Variants in NHSL1 observed in about 807,000 individuals in gnomAD.
The protein encoded by NHSL1 is NHS-like protein 1.
A neutral mutation model predicts 95.0 loss-of-function variants in NHSL1; 48 were observed. The observed-to-expected ratio is 0.51, with a 90% confidence interval of 0.40 to 0.64. The LOEUF (loss-of-function observed/expected upper bound fraction) is 0.64. NHSL1 is among the 30% of genes least tolerant of loss of function. The pLI is 0.00. For missense variants in NHSL1, 1,971 were observed against 2,077.7 expected (o/e 0.95, Z 1.00); for synonymous variants, 783 against 833.9 (o/e 0.94, Z 1.05).
intron 2 of NHSL1, among the ~76,000 whole-genome samples, chr6:138,476,489 G>T (rs1197807939): frequency 6.6e-6 from 1 of 152,066 alleles, no homozygotes; most frequent in Non-Finnish European, 1.5e-5. Flanking sequence ...AGACACTGGG[G>T]ACTCCAAAGG....
rs1776208330 is a variant in NHSL1, at chr6:138,437,361, T to TATATACAC, written c.665-3682_665-3681insGTGTATAT. 3.1e-4 allele frequency among the ~76,000 whole-genome samples: 17 copies of TATATACAC among 54,072 alleles called. 3 individuals carry two copies. Among genetic ancestry groups the TATATACAC allele is most frequent in the East Asian group, 6.2e-4 (1 of 1,616 alleles). The allele number at this position is 54,072 out of a possible 152,430, so 35.5% of individuals were successfully genotyped here. Reference sequence around the variant, plus strand: ...ATATATACACATATATATATACACATATATATATATACACATATATATATA... The same window carrying TATATACAC: ...ATATATACACATATATATATACACATATATACACATATATATATACACATATATATATA... On this transcript the variant is annotated intron_variant, in intron 5 of 7. Transcript: ENST00000343505.
chr6:138,445,009 G>A (rs1017822058), intron 4 of NHSL1, among the ~76,000 whole-genome samples: 2 of 152,088 alleles, frequency 1.3e-5, no homozygotes, highest in African/African-American at 4.8e-5. Context: ...TTCCTGAGTA[G>A]CATTTTAAAG....
At chr6:138,685,527 G>A (rs1005557806) in intron 1 of NHSL1, among the ~76,000 whole-genome samples, 2 of 151,880 alleles carry the variant, frequency 1.3e-5, no homozygotes, top group African/African-American at 2.4e-5. Flanking sequence ...GACGATCCAC[G>A]CACTCTATGT....
chr6:138,609,575 C>T (rs1258390657), intron 1 of NHSL1, among the ~76,000 whole-genome samples: 3 of 151,898 alleles, frequency 2.0e-5, no homozygotes, highest in South Asian at 2.1e-4. Context: ...GTGGTGAAAC[C>T]CCATCTCTAC....
intron 3 of NHSL1, among the ~76,000 whole-genome samples, chr6:138,462,948 GA>G (rs1164362204): frequency 6.6e-6 from 1 of 151,382 alleles, no homozygotes; most frequent in Non-Finnish European, 1.5e-5. Flanking sequence ...GTGTGTAGAT[GA>G]AGAGGGCAGG....
intron 1 of NHSL1, among the ~76,000 whole-genome samples, chr6:138,674,865 A>G (rs1357802601): frequency 6.6e-6 from 1 of 152,058 alleles, no homozygotes. Context: ...AAGACTGATA[A>G]AACTTCTGGC....
chr6:138,494,702 A>G (rs1158238080), intron 2 of NHSL1, among the ~76,000 whole-genome samples: 1 of 152,218 alleles, frequency 6.6e-6, no homozygotes, highest in East Asian at 1.9e-4. Context: ...TAGATAAAAT[A>G]CAGGAGCCCC....
intron 1 of NHSL1, among the ~76,000 whole-genome samples, chr6:138,537,265 ACT>A (rs1782393342): frequency 6.6e-6 from 1 of 152,162 alleles, no homozygotes; most frequent in Non-Finnish European, 1.5e-5. Context: ...GTATCAGGAT[ACT>A]CTCACTGGCT....
intron 1 of NHSL1, among the ~76,000 whole-genome samples, chr6:138,620,524 AG>A (rs1276453227): frequency 6.6e-6 from 1 of 152,236 alleles, no homozygotes; most frequent in African/African-American, 2.4e-5. Flanking sequence ...TATCATTTCT[AG>A]AAAATAGGTC....
intron 1 of NHSL1, among the ~76,000 whole-genome samples, chr6:138,687,933 C>T (rs1197090194): frequency 2.6e-5 from 4 of 152,058 alleles, no homozygotes; most frequent in Non-Finnish European, 5.9e-5. Flanking sequence ...TGTGAATACA[C>T]TAAAAACCCC....
chr6:138,543,014 G>A (rs780515129), intron 1 of NHSL1, among the ~76,000 whole-genome samples: 53 of 152,216 alleles, frequency 3.5e-4, no homozygotes, highest in African/African-American at 1.2e-3. Flanking sequence ...TCCTCTCTCC[G>A]CGGCCTTCTA....
In NHSL1 at chr6:138,639,580, T is replaced by C. The variant is rs532797491; in HGVS notation, c.96+52896A>G. Among the ~76,000 whole-genome samples the C allele has an allele frequency of 1.3e-3, 196 of 150,800 alleles. 1 individual carries two copies. Among genetic ancestry groups the C allele is most frequent in the Middle Eastern group, 6.8e-3 (2 of 294 alleles). ...TGGCATGAACCTGGGAGGCAGAGCT[T>C]GCAGTAAGCCGAGATCGGGCCACTG... is the stretch of plus-strand genomic sequence containing the variant. On this transcript the variant is annotated intron_variant, in intron 1 of 3. Transcript: ENST00000491526.
intron 1 of NHSL1, among the ~76,000 whole-genome samples, chr6:138,512,651 CA>C (rs1781286433): frequency 6.6e-6 from 1 of 151,900 alleles, no homozygotes; most frequent in African/African-American, 2.4e-5. Flanking sequence ...TAGATGTGTT[CA>C]ATGGCAACGT....
intron 1 of NHSL1, among the ~76,000 whole-genome samples, chr6:138,640,960 A>G (rs1276666278): frequency 6.6e-6 from 1 of 152,234 alleles, no homozygotes; most frequent in Non-Finnish European, 1.5e-5. Context: ...CTGAAAAATA[A>G]TGTTTCCAAA....
intron 1 of NHSL1, among the ~76,000 whole-genome samples, chr6:138,585,133 G>A (rs1363459455): frequency 1.3e-5 from 2 of 152,240 alleles, no homozygotes; most frequent in South Asian, 2.1e-4. Context: ...AGCAGGAGCA[G>A]TCCTTGAAAT....
intron 3 of NHSL1, among the ~76,000 whole-genome samples, chr6:138,458,064 G>A (rs994741754): frequency 6.7e-4 from 101 of 151,614 alleles, no homozygotes; most frequent in African/African-American, 2.2e-3. Flanking sequence ...CATGAACCAC[G>A]GTTAGGAGTC....
In NHSL1 at chr6:138,432,284, C is replaced by T; in HGVS notation, c.2061G>A (p.Lys687=). 1 of 1,551,296 alleles carries T rather than the reference C, an allele frequency of 6.4e-7. No homozygotes were observed. The highest frequency in any genetic ancestry group is 8.7e-7 in the Non-Finnish European group (1 of 1,146,882). Residue 687 remains lysine (K), a synonymous_variant, in exon 6 of 8, where the codon AAG becomes AAA. Transcript: ENST00000343505. This position sits in a 1 kb window ranked among gnomAD's most constrained non-coding sequence, Gnocchi z 4.4. The part of the protein sequence containing the change: ...RTDSLRRIPK[K]SSQCNGQVLN... The stretch of plus-strand genomic sequence containing the variant: ...GCACCTGCCCGTTGCACTGGCTGCT[C>T]TTCTTGGGAATCCTGCGGAGGGAGT...
chr6:138,496,370 C>T lies in NHSL1; in HGVS notation c.60G>A (p.Thr20=), dbSNP rs144525184. ...KSLIKLFKKK[T]VSNLDEESRW... ...GGCTTTCCTCATCTAGGTTGGAAAC[C>T]GCTATAGAAAAAAAGATAGAATACA... Residue 20 remains threonine, a splice_region_variant and synonymous_variant, in exon 2 of 8, where the codon ACG becomes ACA. Coordinates refer to ENST00000343505, the MANE Select transcript of NHSL1 (RefSeq NM_001144060.2). 7.2e-5 allele frequency: 111 copies of T among 1,549,718 alleles called. No individual in the cohort carries two copies. Among genetic ancestry groups the T allele is most frequent in the Middle Eastern group, 2.1e-4 (1 of 4,846 alleles).
intron 1 of NHSL1, among the ~76,000 whole-genome samples, chr6:138,523,563 C>T (rs1781769992): frequency 1.4e-5 from 2 of 144,172 alleles, no homozygotes; most frequent in Non-Finnish European, 3.0e-5. Context: ...CCCGCTTTGG[C>T]GTCCCAAAGT....
Sources: allele counts gnomAD v4.1 joint callset (sites outside exome capture counted in the v4.1 genomes callset), GRCh38; gene constraint gnomAD v4.1.1; non-coding constraint Gnocchi (gnomAD v3.1); transcripts MANE v1.5; gene names NCBI Gene and HGNC (gene_info 2026-07-23, HGNC 2026-07-21).